RASGEF1B: variants seen among roughly 807,000 people sequenced by gnomAD.
The protein encoded by RASGEF1B is RasGEF domain family member 1B.
RASGEF1B carries 30 observed loss-of-function variants against 65.7 expected under a neutral mutation model. The observed-to-expected ratio is 0.46, with a 90% CI of 0.34 to 0.62. The LOEUF (loss-of-function observed/expected upper bound fraction) is 0.62, where lower values mean the gene tolerates loss of function less well. RASGEF1B is among the 20% of genes least tolerant of loss of function. RASGEF1B has a pLI of 0.01. For synonymous variants in RASGEF1B, 175 were observed against 194.8 expected, an observed-to-expected ratio of 0.90 and a Z score of 0.85; for missense variants, 495 against 580.1, an observed-to-expected ratio of 0.85 and a Z score of 1.51.
Position 81,466,564 on chromosome 4 carries a change from C to T in RASGEF1B, c.-7+5206G>A, listed in dbSNP as rs370752462. On this transcript the variant is annotated intron_variant, in intron 1 of 13. Coordinates refer to ENST00000264400, the MANE Select transcript of RASGEF1B (RefSeq NM_152545.3). ...CACAAAGTCAGCAGATCGAGACCAT[C>T]CTGGCTAACACGGTAAAACCCTGTC... 5.9e-5 allele frequency among the ~76,000 whole-genome samples: 9 copies of T among 151,838 alleles called. No individual in the cohort carries two copies. The East Asian group carries it at 1.6e-3, about 26-fold the overall frequency.
At chr4:81,429,611 C>T (rs1406903838) in intron 13 of RASGEF1B, among the ~76,000 whole-genome samples, 2 of 152,178 alleles carry the variant, frequency 1.3e-5, no homozygotes, top group Non-Finnish European at 2.9e-5. Context: ...AACCCGAGAC[C>T]GCCGGCAGAC....
At chr4:81,464,483 C>T (rs558005288) in intron 1 of RASGEF1B, among the ~76,000 whole-genome samples, 10 of 152,306 alleles carry the variant, frequency 6.6e-5, no homozygotes, top group Non-Finnish European at 1.5e-4. Flanking sequence ...AGGTTAATCT[C>T]AAAAGCTATT....
chr4:81,445,724 A>G lies in RASGEF1B; in HGVS notation c.825+19T>C. On this transcript the variant is annotated intron_variant, in intron 7 of 13. Transcript: ENST00000264400. ...AAAATAATGTTGAGAACTAGGAGACAGAAAATTCATTTCCTCACCATACAG... is the reference window on the plus strand; with the variant it reads ...AAAATAATGTTGAGAACTAGGAGACGGAAAATTCATTTCCTCACCATACAG... 6.2e-7 allele frequency: 1 copy of G among 1,607,790 alleles called. No individual in the cohort carries two copies. Among genetic ancestry groups the G allele is most frequent in the Non-Finnish European group, 8.5e-7 (1 of 1,174,538 alleles).
At chr4:81,463,113 G>A (rs1387335419) in intron 1 of RASGEF1B, among the ~76,000 whole-genome samples, 2 of 152,128 alleles carry the variant, frequency 1.3e-5, no homozygotes, top group Admixed American at 1.3e-4. Context: ...AATCCTGTCA[G>A]TCTGTCTCAA....
intron 1 of RASGEF1B, among the ~76,000 whole-genome samples, chr4:81,461,648 A>G (rs75801821): frequency 0.029 from 4,492 of 152,316 alleles, 90 homozygotes; most frequent in Middle Eastern, 0.065. Flanking sequence ...TCCAACTGCA[A>G]TCAATTAAAG....
At chr4:81,433,716 T>C (rs1373897633) in intron 12 of RASGEF1B, 124 bp downstream of exon 12, 2 of 953,770 alleles carry the variant, frequency 2.1e-6, no homozygotes, top group Non-Finnish European at 3.1e-6. Context: ...AACAGAAAAC[T>C]CTTAACATGG....
At chr4:81,470,069 A>T (rs1722968859) in intron 1 of RASGEF1B, among the ~76,000 whole-genome samples, 1 of 152,014 alleles carries the variant, frequency 6.6e-6, no homozygotes, top group Non-Finnish European at 1.5e-5. Flanking sequence ...CTGTTTGTAA[A>T]CCCTGATATC....
At position 81,429,218 on chromosome 4, in the gene RASGEF1B, G is replaced by A. The variant is rs115653038; in HGVS notation, c.1398-1426C>T. Among the ~76,000 whole-genome samples, 1,084 of 152,302 alleles carry A rather than the reference G, an allele frequency of 7.1e-3. 4 individuals are homozygous for A. Among genetic ancestry groups the A allele is most frequent in the Non-Finnish European group, 0.01 (701 of 68,030 alleles). On this transcript the variant is annotated intron_variant, in intron 13 of 13. Coordinates refer to ENST00000264400, the MANE Select transcript of RASGEF1B (RefSeq NM_152545.3). ...GGAGAAATTCTTTCTAGGGAAAAAC[G>A]GGCCAGGGACGGGGGAGGCATTGGA...
chr4:81,446,935 T>C (rs1276059212), intron 6 of RASGEF1B, among the ~76,000 whole-genome samples: 2 of 152,244 alleles, frequency 1.3e-5, no homozygotes, highest in Admixed American at 6.5e-5. Context: ...CAATTCAAAA[T>C]GCTTCCAGGT....
Position 81,445,740 on chromosome 4 carries a change from C to T in RASGEF1B, c.825+3G>A. 1 of 1,611,460 alleles carries T rather than the reference C, an allele frequency of 6.2e-7. No individual in the cohort carries two copies. The highest frequency in any genetic ancestry group is 8.5e-7 in the Non-Finnish European group (1 of 1,177,802). ...CTAGGAGACAGAAAATTCATTTCCTCACCATACAGATTTCTGTAGCAACCA... is the reference window on the plus strand; with the variant it reads ...CTAGGAGACAGAAAATTCATTTCCTTACCATACAGATTTCTGTAGCAACCA... On this transcript the variant is annotated splice_donor_region_variant and intron_variant, in intron 7 of 13. Transcript: ENST00000264400.
At chr4:81,456,613 G>T (rs779341774) in intron 4 of RASGEF1B, 38 bp downstream of exon 4, 1 of 1,611,088 alleles carries the variant, frequency 6.2e-7, no homozygotes, top group African/African-American at 1.3e-5. Context: ...GGCTCTGCCT[G>T]GGAATTCCAG....
In RASGEF1B at chr4:81,435,273, T is replaced by C. The variant is rs112690173; in HGVS notation, c.1105-539A>G. 8.2e-3 allele frequency among the ~76,000 whole-genome samples: 1,234 copies of C among 150,450 alleles called. 23 individuals are homozygous for C. The highest frequency in any genetic ancestry group is 0.028 in the African/African-American group (1,137 of 40,448). On this transcript the variant is annotated intron_variant, in intron 10 of 13. Transcript: ENST00000264400. ...AAAAATACAAAAAATTAGCCAGGTG[T>C]GGTGGCGGGCGCCTGTAGTCCCAGC...
chr4:81,428,510 T>C (rs1449931195), intron 13 of RASGEF1B, among the ~76,000 whole-genome samples: 1 of 152,222 alleles, frequency 6.6e-6, no homozygotes, highest in South Asian at 2.1e-4. Context: ...ATAACAACTA[T>C]GTATATAGCA....
intron 13 of RASGEF1B, among the ~76,000 whole-genome samples, chr4:81,430,681 A>C (rs1021364358): frequency 3.9e-5 from 6 of 152,220 alleles, no homozygotes; most frequent in Non-Finnish European, 7.3e-5. Context: ...CCATTTCACA[A>C]TCAAATGTTA....
chr4:81,435,518 G>A (rs1380638065), intron 10 of RASGEF1B, among the ~76,000 whole-genome samples: 2 of 135,590 alleles, frequency 1.5e-5, no homozygotes, highest in African/African-American at 5.6e-5. Context: ...ACCCAGGCTG[G>A]AGTGCAGTAG....
At chr4:81,433,443 G>T (rs1194289017) in intron 12 of RASGEF1B, among the ~76,000 whole-genome samples, 1 of 151,810 alleles carries the variant, frequency 6.6e-6, no homozygotes. Flanking sequence ...AAATGTTCCA[G>T]TACTTTTTTA....
chr4:81,427,681 C>T lies in RASGEF1B; in HGVS notation c.*87G>A, dbSNP rs948283668. 19 of 1,511,338 alleles carry T rather than the reference C, an allele frequency of 1.3e-5. No individual in the cohort carries two copies. In the Admixed American group the frequency reaches 2.6e-4, roughly 21 times the overall value. The allele number at this position is 1,511,338 out of a possible 1,614,324, so 93.6% of individuals were successfully genotyped here. ...TGACTGCAGGGTCTTCATGAGTGTT[C>T]GTGGTACGAGATGCCAGAAAACAAA... On this transcript the variant is annotated 3_prime_UTR_variant, in exon 14 of 14. Transcript: ENST00000264400.
chr4:81,455,407 T>C (rs1338358865), intron 4 of RASGEF1B: 1 of 152,122 alleles, frequency 6.6e-6, no homozygotes, highest in African/African-American at 2.4e-5. Flanking sequence ...CTCTACACTC[T>C]AGCCTGAGGA....
rs1578622065 is a variant in RASGEF1B, at chr4:81,444,080, T to A, written c.928+1446A>T. On this transcript the variant is annotated intron_variant, in intron 8 of 13. Coordinates refer to ENST00000264400, the MANE Select transcript of RASGEF1B (RefSeq NM_152545.3). ...ACTCGTTAGCCATTAATATACAGTA[T>A]CCTCTCGCATGACAAATCTGTTTCA... 5.9e-5 allele frequency among the ~76,000 whole-genome samples: 9 copies of A among 152,348 alleles called. No individual in the cohort carries two copies. The South Asian group carries it at 1.9e-3, about 32-fold the overall frequency.
Sources: allele counts gnomAD v4.1 joint callset (sites outside exome capture counted in the v4.1 genomes callset), GRCh38; gene constraint gnomAD v4.1.1; transcripts MANE v1.5; gene names NCBI Gene and HGNC (gene_info 2026-07-23, HGNC 2026-07-21).